The following KLHL1 variants were observed in gnomAD, a reference collection of about 807,000 sequenced individuals.
The protein encoded by KLHL1 is kelch like family member 1.
In KLHL1, 47 loss-of-function variants were observed where a neutral mutation model predicts 77.7. That is an observed-to-expected ratio of 0.60 (90% confidence interval 0.48 to 0.77). KLHL1 has a LOEUF of 0.77. Among genes scored for constraint, KLHL1 ranks in the 30% least tolerant of loss-of-function variants. KLHL1 has a pLI of 0.00. For missense variants in KLHL1, 925 were observed against 910.8 expected (o/e 1.02, Z -0.20); for synonymous variants, 360 against 325.2 (o/e 1.11, Z -1.15).
intron 1 of KLHL1, among the ~76,000 whole-genome samples, chr13:70,053,967 C>T (rs1886686423): frequency 6.6e-6 from 1 of 152,110 alleles, no homozygotes; most frequent in African/African-American, 2.4e-5. Flanking sequence ...GCTTCCTGAT[C>T]CTGAATGTGA....
In KLHL1 at chr13:70,069,772, C is replaced by T. The variant is rs1887096943; in HGVS notation, c.497+37431G>A. On this transcript the variant is annotated intron_variant, in intron 1 of 10. Coordinates refer to ENST00000377844, the MANE Select transcript of KLHL1 (RefSeq NM_020866.3). ...AGATATGTCGATTTAATCTTCCAGACTAAAATGAAAAGATTTTAAAAAATA... is the reference window on the plus strand; with the variant it reads ...AGATATGTCGATTTAATCTTCCAGATTAAAATGAAAAGATTTTAAAAAATA... Among the ~76,000 whole-genome samples the T allele has an allele frequency of 2.0e-5, 3 of 151,870 alleles. No individual in the cohort carries two copies. The South Asian group carries it at 6.2e-4, about 32-fold the overall frequency.
intron 4 of KLHL1, among the ~76,000 whole-genome samples, chr13:69,931,438 TG>T (rs1883001882): frequency 6.6e-6 from 1 of 151,808 alleles, no homozygotes; most frequent in African/African-American, 2.4e-5. Context: ...AAAACATGAC[TG>T]CTTATTGGAA....
At chr13:69,953,891 G>A (rs1218385074) in intron 3 of KLHL1, among the ~76,000 whole-genome samples, 1 of 151,204 alleles carries the variant, frequency 6.6e-6, no homozygotes, top group African/African-American at 2.4e-5. Flanking sequence ...CACACATTAT[G>A]AATAATCATC....
intron 4 of KLHL1, among the ~76,000 whole-genome samples, chr13:69,938,847 A>G (rs1479261755): frequency 6.6e-6 from 1 of 152,114 alleles, no homozygotes; most frequent in African/African-American, 2.4e-5. Context: ...TAAAAAGGAA[A>G]AAGAAAATAA....
At chr13:69,765,615 C>G (rs1021986608) in intron 7 of KLHL1, among the ~76,000 whole-genome samples, 3 of 152,146 alleles carry the variant, frequency 2.0e-5, no homozygotes, top group Non-Finnish European at 4.4e-5. Context: ...CCTCCTTGTC[C>G]TATCCTAATA....
intron 1 of KLHL1, among the ~76,000 whole-genome samples, chr13:70,000,016 C>T (rs78081700): frequency 0.054 from 8,150 of 151,918 alleles, 261 homozygotes; most frequent in South Asian, 0.089. Flanking sequence ...CGGCTTGCTG[C>T]CATCCTTATA....
At chr13:69,747,364 C>T (rs1382428738) in intron 7 of KLHL1, among the ~76,000 whole-genome samples, 3 of 151,930 alleles carry the variant, frequency 2.0e-5, no homozygotes, top group Admixed American at 2.0e-4. Flanking sequence ...TCCTCCAGTG[C>T]TACCATTGAT....
At chr13:69,738,085 G>T (rs1873837749) in intron 8 of KLHL1, among the ~76,000 whole-genome samples, 1 of 152,098 alleles carries the variant, frequency 6.6e-6, no homozygotes, top group Non-Finnish European at 1.5e-5. Context: ...GGTATCTCCA[G>T]GGGCGGGACG....
At chr13:69,911,959 G>A (rs1882254153) in intron 4 of KLHL1, among the ~76,000 whole-genome samples, 1 of 152,056 alleles carries the variant, frequency 6.6e-6, no homozygotes, top group Non-Finnish European at 1.5e-5. Flanking sequence ...TAAAACTGGG[G>A]CAATCTGAAG....
At chr13:69,774,901 C>A (rs932502729) in intron 7 of KLHL1, among the ~76,000 whole-genome samples, 3 of 152,072 alleles carry the variant, frequency 2.0e-5, no homozygotes, top group African/African-American at 7.2e-5. Flanking sequence ...CTAACTGAAA[C>A]TATCATGGAA....
At chr13:70,044,786 C>A (rs2137383830) in intron 1 of KLHL1, among the ~76,000 whole-genome samples, 1 of 152,146 alleles carries the variant, frequency 6.6e-6, no homozygotes, top group South Asian at 2.1e-4. Context: ...GACAATTTAC[C>A]TTTATCATTA....
chr13:69,934,966 A>ATATATATATATATATATATG (rs1593963819), intron 4 of KLHL1, among the ~76,000 whole-genome samples: 1 of 49,374 alleles, frequency 2.0e-5, no homozygotes, highest in Non-Finnish European at 5.5e-5. Flanking sequence ...GCATGTGTAT[A>ATATATATATATATATATATG]TATATATATA....
intron 2 of KLHL1, among the ~76,000 whole-genome samples, chr13:69,973,395 T>TGCTAATAATGCTA (rs1168800008): frequency 6.6e-6 from 1 of 151,734 alleles, no homozygotes; most frequent in Non-Finnish European, 1.5e-5. Context: ...ACTGAGCAAG[T>TGCTAATAATGCTA]GCTAATAATG....
chr13:70,097,520 G>A (rs974198182), intron 1 of KLHL1, among the ~76,000 whole-genome samples: 14 of 152,098 alleles, frequency 9.2e-5, no homozygotes, highest in African/African-American at 2.6e-4. Context: ...AATAAGAATA[G>A]TCTAGTTGTG....
At chr13:69,889,799 G>A (rs1881360753) in intron 4 of KLHL1, among the ~76,000 whole-genome samples, 1 of 151,960 alleles carries the variant, frequency 6.6e-6, no homozygotes, top group South Asian at 2.1e-4. Context: ...TCAGAATTAG[G>A]TATGAAGACT....
At position 70,107,926 on chromosome 13, in the gene KLHL1, G is replaced by A. The variant is rs746592989; in HGVS notation, c.-227C>T. On this transcript the variant is annotated 5_prime_UTR_variant, in exon 1 of 11. In the 5' UTR this introduces an upstream ATG that the reference lacks. Transcript: ENST00000377844. ...GTGGTCGGGTCCGCAGGACCTGGGC[G>A]TGGGGACACCACCAGGCAGGAGCAG... 8 of 497,338 alleles carry A rather than the reference G, an allele frequency of 1.6e-5. No homozygotes were observed. Among genetic ancestry groups the A allele is most frequent in the African/African-American group, 5.8e-5 (3 of 51,284 alleles). 30.8% of individuals were successfully genotyped at this position (497,338 alleles called of 1,614,324 possible).
chr13:69,853,286 G>A (rs1879766767), intron 5 of KLHL1, among the ~76,000 whole-genome samples: 1 of 151,982 alleles, frequency 6.6e-6, no homozygotes, highest in African/African-American at 2.4e-5. Context: ...CTGATAGTGA[G>A]TGAGTTCTCA....
At chr13:69,721,235 T>G (rs1006608079) in intron 8 of KLHL1, among the ~76,000 whole-genome samples, 17 of 145,542 alleles carry the variant, frequency 1.2e-4, no homozygotes. Flanking sequence ...CACTTGTCTC[T>G]TAACCTACCT....
chr13:69,871,833 A>G (rs534942790), intron 5 of KLHL1, among the ~76,000 whole-genome samples: 35 of 150,990 alleles, frequency 2.3e-4, no homozygotes, highest in African/African-American at 7.8e-4. Context: ...TTTCTTGTCT[A>G]TATTTCTATC....
Sources: allele counts gnomAD v4.1 joint callset (sites outside exome capture counted in the v4.1 genomes callset), GRCh38; gene constraint gnomAD v4.1.1; transcripts MANE v1.5; gene names NCBI Gene and HGNC (gene_info 2026-07-23, HGNC 2026-07-21).